OLFM3: variants seen among roughly 807,000 people sequenced by gnomAD.
OLFM3 encodes olfactomedin 3.
Under a neutral mutation model 48.6 loss-of-function variants are expected in OLFM3, and 20 were observed. The ratio of observed to expected loss-of-function variants is 0.41; its 90% CI spans 0.29 to 0.60. OLFM3 has a LOEUF of 0.60. OLFM3 is among the 20% of genes least tolerant of loss of function. The pLI, the probability that OLFM3 is intolerant of heterozygous loss-of-function variation, is 0.28. For missense variants in OLFM3, 437 were observed against 544.3 expected, an observed-to-expected ratio of 0.80 and a Z score of 1.96; for synonymous variants, 222 against 198.1, an observed-to-expected ratio of 1.12 and a Z score of -1.01.
intron 3 of OLFM3, among the ~76,000 whole-genome samples, chr1:101,826,374 A>C (rs1654867963): frequency 6.6e-6 from 1 of 152,200 alleles, no homozygotes; most frequent in Non-Finnish European, 1.5e-5. Flanking sequence ...TTTATTGGAA[A>C]TAATGTCATT....
At chr1:101,947,795 T>C (rs1396605917) in intron 1 of OLFM3, among the ~76,000 whole-genome samples, 1 of 152,200 alleles carries the variant, frequency 6.6e-6, no homozygotes, top group Non-Finnish European at 1.5e-5. Context: ...ATTTAACTGC[T>C]CCACGGCTCT....
At chr1:101,960,840 C>T (rs917307531) in intron 1 of OLFM3, among the ~76,000 whole-genome samples, 1 of 152,120 alleles carries the variant, frequency 6.6e-6, no homozygotes, top group African/African-American at 2.4e-5. Context: ...CATCGTTAAC[C>T]ACTCTGCTTC....
intron 1 of OLFM3, among the ~76,000 whole-genome samples, chr1:101,857,194 T>C (rs1314085561): frequency 6.6e-6 from 1 of 151,906 alleles, no homozygotes; most frequent in Non-Finnish European, 1.5e-5. Flanking sequence ...TAAAATAAAG[T>C]AGTGATATTT....
intron 1 of OLFM3, among the ~76,000 whole-genome samples, chr1:101,975,560 A>C (rs1329318950): frequency 6.6e-6 from 1 of 152,170 alleles, no homozygotes; most frequent in African/African-American, 2.4e-5. Context: ...TTCTGCCAAA[A>C]TATCAATGTT....
chr1:101,884,136 CA>C (rs1657648611), intron 1 of OLFM3, among the ~76,000 whole-genome samples: 1 of 151,942 alleles, frequency 6.6e-6, no homozygotes, highest in Non-Finnish European at 1.5e-5. Context: ...TCTGGAGCCC[CA>C]GACCTCTCCC....
At chr1:101,933,544 A>G (rs755436344) in intron 1 of OLFM3, among the ~76,000 whole-genome samples, 5 of 152,200 alleles carry the variant, frequency 3.3e-5, no homozygotes, top group Non-Finnish European at 5.9e-5. Context: ...AGCATATGAT[A>G]ATATTGTCCA....
intron 1 of OLFM3, among the ~76,000 whole-genome samples, chr1:101,884,644 A>G (rs896578153): frequency 6.6e-6 from 1 of 152,010 alleles, no homozygotes; most frequent in Non-Finnish European, 1.5e-5. Context: ...GGACTGCCCT[A>G]TTAAAGCCTT....
rs78270537 is a variant in OLFM3, at chr1:101,968,666, T to C, written c.69+28082A>G. Among the ~76,000 whole-genome samples, 674 of 152,288 alleles carry C rather than the reference T, an allele frequency of 4.4e-3. 4 individuals carry two copies. The highest frequency in any genetic ancestry group is 0.015 in the African/African-American group (636 of 41,564). On this transcript the variant is annotated intron_variant, in intron 1 of 5. Transcript: ENST00000370103. ...AACCAACTTCTATTCCACTACTGTG[T>C]TTTCTCATTACCTTCAAATTAGCTA...
chr1:101,893,559 G>C (rs922853482), intron 1 of OLFM3: 56 of 271,538 alleles, frequency 2.1e-4, no homozygotes, highest in African/African-American at 1.2e-3. Context: ...CATTGCATTA[G>C]ATCAGAAGGA....
chr1:101,945,857 A>T (rs1659948918), intron 1 of OLFM3, among the ~76,000 whole-genome samples: 1 of 118,318 alleles, frequency 8.5e-6, no homozygotes, highest in Non-Finnish European at 1.8e-5. Flanking sequence ...ACACAACAGC[A>T]ACAATTAAAA....
intron 1 of OLFM3, among the ~76,000 whole-genome samples, chr1:101,919,103 A>T (rs1340890873): frequency 6.6e-6 from 1 of 152,222 alleles, no homozygotes; most frequent in South Asian, 2.1e-4. Flanking sequence ...ATCAGAAAGC[A>T]AAAACAACTG....
chr1:101,989,962 T>C (rs1049237384), intron 1 of OLFM3, among the ~76,000 whole-genome samples: 4 of 152,310 alleles, frequency 2.6e-5, no homozygotes, highest in African/African-American at 9.6e-5. Context: ...ATTATCATAG[T>C]TTGTGAAGAC....
In OLFM3 at chr1:101,804,921, A is replaced by G. The variant is rs1044229633; in HGVS notation, c.700-6T>C. On this transcript the variant is annotated splice_region_variant and splice_polypyrimidine_tract_variant and intron_variant, in intron 5 of 5. Coordinates refer to ENST00000370103, the MANE Select transcript of OLFM3 (RefSeq NM_058170.4). This position sits in a 1 kb window ranked among gnomAD's most constrained non-coding sequence, Gnocchi z 4.5. The stretch of plus-strand genomic sequence containing the variant: ...TAACTGTCCATGTACCAGACCTGAG[A>G]AGAAGGAAAAAAATAAATGGAGTGA... The G allele has an allele frequency of 1.3e-6, 2 of 1,592,926 alleles. No individual in the cohort carries two copies. The highest frequency in any genetic ancestry group is 3.5e-5 in the Admixed American group (2 of 57,658).
At chr1:101,980,980 G>A (rs1052909523) in intron 1 of OLFM3, among the ~76,000 whole-genome samples, 1 of 152,132 alleles carries the variant, frequency 6.6e-6, no homozygotes, top group African/African-American at 2.4e-5. Flanking sequence ...ATTTCCTCAT[G>A]TCTGCTCATT....
chr1:101,975,632 C>G (rs1270774702), intron 1 of OLFM3, among the ~76,000 whole-genome samples: 1 of 152,070 alleles, frequency 6.6e-6, no homozygotes. Context: ...CTACAAGTGA[C>G]CACTGTCACA....
Position 101,843,473 on chromosome 1 carries a change from A to G in OLFM3, c.70-6448T>C, listed in dbSNP as rs113453942. ...CTGAGAGCTGAGGCTTCCTCTGCTC[A>G]GAAACCAATGCCTCCAAAGGCTGAT... On this transcript the variant is annotated intron_variant, in intron 1 of 5. Transcript: ENST00000370103. 3.2e-3 allele frequency among the ~76,000 whole-genome samples: 480 copies of G among 152,322 alleles called. 2 individuals are homozygous for G. The highest frequency in any genetic ancestry group is 0.011 in the African/African-American group (452 of 41,564).
intron 1 of OLFM3, among the ~76,000 whole-genome samples, chr1:101,903,886 T>A (rs1658471732): frequency 6.6e-6 from 1 of 152,082 alleles, no homozygotes; most frequent in South Asian, 2.1e-4. Context: ...TATTTTTAAA[T>A]GACTGATTAC....
intron 1 of OLFM3, among the ~76,000 whole-genome samples, chr1:101,898,710 A>C (rs573783441): frequency 6.9e-4 from 105 of 152,150 alleles, no homozygotes; most frequent in East Asian, 5.0e-3. Flanking sequence ...TTAGTCAGGC[A>C]TCGTGACATG....
intron 4 of OLFM3, among the ~76,000 whole-genome samples, chr1:101,814,848 A>C (rs1391354332): frequency 6.6e-6 from 1 of 152,240 alleles, no homozygotes; most frequent in Non-Finnish European, 1.5e-5. Flanking sequence ...TACATAGTTA[A>C]GTACTTAAGA....
Sources: allele counts gnomAD v4.1 joint callset (sites outside exome capture counted in the v4.1 genomes callset), GRCh38; gene constraint gnomAD v4.1.1; non-coding constraint Gnocchi (gnomAD v3.1); transcripts MANE v1.5; gene names NCBI Gene and HGNC (gene_info 2026-07-23, HGNC 2026-07-21).